GNA11: variants seen among roughly 807,000 people sequenced by gnomAD.
The protein encoded by GNA11 is guanine nucleotide-binding protein subunit alpha-11.
In GNA11, 8 loss-of-function variants were observed where a neutral mutation model predicts 38.2. The observed-to-expected ratio is 0.21, with a 90% confidence interval of 0.12 to 0.38. The LOEUF is 0.38. GNA11 is among the 10% of genes least tolerant of loss of function. GNA11 has a pLI of 1.00. For missense variants in GNA11, 268 were observed against 516.3 expected (o/e 0.52, Z 4.66); for synonymous variants, 211 against 221.4 (o/e 0.95, Z 0.42).
At chr19:3,116,453 C>G (rs1238234134) in intron 4 of GNA11, among the ~76,000 whole-genome samples, 1 of 119,260 alleles carries the variant, frequency 8.4e-6, no homozygotes, top group African/African-American at 3.2e-5. Context: ...GCGGCCGCAT[C>G]CTTGGCATCC....
At position 3,094,566 on chromosome 19, in the gene GNA11, G is replaced by T; in HGVS notation, c.-86G>T. On this transcript the variant is annotated 5_prime_UTR_variant, in exon 1 of 7. Coordinates refer to ENST00000078429, the MANE Select transcript of GNA11 (RefSeq NM_002067.5). This position sits in a 1 kb window ranked among gnomAD's most constrained non-coding sequence, Gnocchi z 6.0. ...CCGAGGCCGGAGGGCCGCGGCGGGC[G>T]GCGGCCGAGGCGGCTCCGGCCAGGG... 1.8e-6 allele frequency: 1 copy of T among 567,618 alleles called. No individual in the cohort carries two copies. Among genetic ancestry groups the T allele is most frequent in the South Asian group, 7.3e-5 (1 of 13,620 alleles). 35.2% of individuals were successfully genotyped at this position (567,618 alleles called of 1,614,324 possible).
Position 3,120,842 on chromosome 19 carries a change from C to T in GNA11, c.890-147C>T, listed in dbSNP as rs1914053671. ...CTCACCTGGGGAGGGAGGGGAGCTGCGGCCCGTCAGGCATGCAGTGGGCTG... is the reference window on the plus strand; with the variant it reads ...CTCACCTGGGGAGGGAGGGGAGCTGTGGCCCGTCAGGCATGCAGTGGGCTG... On this transcript the variant is annotated intron_variant, in intron 6 of 6. Coordinates refer to ENST00000078429, the MANE Select transcript of GNA11 (RefSeq NM_002067.5). This position sits in a 1 kb window ranked among gnomAD's most constrained non-coding sequence, Gnocchi z 5.9. The T allele has an allele frequency of 3.3e-5, 20 of 602,198 alleles. 1 individual carries two copies. Among genetic ancestry groups the T allele is most frequent in the South Asian group, 1.2e-4 (6 of 50,422 alleles). The allele number at this position is 602,198 out of a possible 1,614,324, so 37.3% of individuals were successfully genotyped here. A position where few individuals can be genotyped will look rare whatever the true frequency, so the allele number is the denominator to read the frequency against.
intron 4 of GNA11, chr19:3,118,391 C>A (rs308047): frequency 0.39 from 59,981 of 153,526 alleles, 12,841 homozygotes; most frequent in Non-Finnish European, 0.49. Flanking sequence ...GCTCACCACG[C>A]GGGGCAGGGC....
At position 3,121,445 on chromosome 19, in the gene GNA11, G is replaced by A. The variant is rs878937191; in HGVS notation, c.*266G>A. The A allele has an allele frequency of 1.8e-5, 5 of 280,022 alleles. No homozygotes were observed. The highest frequency in any genetic ancestry group is 6.1e-5 in the Admixed American group (1 of 16,416). The allele number at this position is 280,022 out of a possible 1,614,324, so 17.3% of individuals were successfully genotyped here. On this transcript the variant is annotated 3_prime_UTR_variant, in exon 7 of 7. Coordinates refer to ENST00000078429, the MANE Select transcript of GNA11 (RefSeq NM_002067.5). ...TTTTTCTGGCCTTGACTTATGGCTC[G>A]CTTTTTTCTAAAAAAAAAAAAAAAA...
In GNA11 at chr19:3,110,431, G is replaced by A; in HGVS notation, c.321+98G>A. On this transcript the variant is annotated intron_variant, in intron 2 of 6. Transcript: ENST00000078429. This position sits in a 1 kb window ranked among gnomAD's most constrained non-coding sequence, Gnocchi z 5.4. ...CTGCCAGGGTGGGGCCATGCCGGGG[G>A]TCCCGGCCGGCCCAGGCTACCCCTG... is the stretch of plus-strand genomic sequence containing the variant. 2.1e-6 allele frequency: 2 copies of A among 965,896 alleles called. No individual in the cohort carries two copies. The highest frequency in any genetic ancestry group is 3.1e-6 in the Non-Finnish European group (2 of 638,416). 59.8% of individuals were successfully genotyped at this position (965,896 alleles called of 1,614,324 possible).
chr19:3,110,034 G>C lies in GNA11; in HGVS notation c.137-115G>C. 2 of 757,350 alleles carry C rather than the reference G, an allele frequency of 2.6e-6. No individual in the cohort carries two copies. Among genetic ancestry groups the C allele is most frequent in the Non-Finnish European group, 2.1e-6 (1 of 465,636 alleles). 46.9% of individuals were successfully genotyped at this position (757,350 alleles called of 1,614,324 possible). ...CTGGTGGAGAGACGGTCAGCCTCAC[G>C]TGCCTTGGTTTCCTGTGCTGGGTGC... On this transcript the variant is annotated intron_variant, in intron 1 of 6. Transcript: ENST00000078429. This position sits in a 1 kb window ranked among gnomAD's most constrained non-coding sequence, Gnocchi z 5.4.
chr19:3,120,878 T>G lies in GNA11; in HGVS notation c.890-111T>G, dbSNP rs1225363267. 1 of 725,960 alleles carries G rather than the reference T, an allele frequency of 1.4e-6. No homozygotes were observed. Among genetic ancestry groups the G allele is most frequent in the Non-Finnish European group, 2.3e-6 (1 of 442,776 alleles). 45.0% of individuals were successfully genotyped at this position (725,960 alleles called of 1,614,324 possible). On this transcript the variant is annotated intron_variant, in intron 6 of 6. Transcript: ENST00000078429. This position sits in a 1 kb window ranked among gnomAD's most constrained non-coding sequence, Gnocchi z 5.9. ...GCATGCAGTGGGCTGGGGGTCGAGC[T>G]GGGTGGGCCGTGGGCCTTACTCGCT...
At position 3,110,731 on chromosome 19, in the gene GNA11, G is replaced by A. The variant is rs151279822; in HGVS notation, c.321+398G>A. On this transcript the variant is annotated intron_variant, in intron 2 of 6. Transcript: ENST00000078429. The surrounding 1 kb of genome is among the most constrained non-coding windows in gnomAD (Gnocchi z 5.4). Reference sequence around the variant, plus strand: ...GGCTGAGCAGCCTACCAGGCACCTCGTTTCGGCCCTGACACTCACCCATGG... The same window carrying A: ...GGCTGAGCAGCCTACCAGGCACCTCATTTCGGCCCTGACACTCACCCATGG... Among the ~76,000 whole-genome samples, 14 of 152,288 alleles carry A rather than the reference G, an allele frequency of 9.2e-5. No individual in the cohort carries two copies. Among genetic ancestry groups the A allele is most frequent in the African/African-American group, 1.9e-4 (8 of 41,554 alleles).
rs890317390 is a variant in GNA11 at position 3,121,466 on chromosome 19, A to AG, written c.*287_*288insG. ...GCTCGCTTTTTTCTAAAAAAAAAAAAAAAAGAAAGAAAGAAAAAAAGCAAC... is the reference window on the plus strand; with the variant it reads ...GCTCGCTTTTTTCTAAAAAAAAAAAAGAAAAGAAAGAAAGAAAAAAAGCAAC... On this transcript the variant is annotated 3_prime_UTR_variant, in exon 7 of 7. Coordinates refer to ENST00000078429, the MANE Select transcript of GNA11 (RefSeq NM_002067.5). 7.8e-6 allele frequency: 2 copies of AG among 258,024 alleles called. No homozygotes were observed. The highest frequency in any genetic ancestry group is 5.6e-5 in the East Asian group (1 of 17,800). The allele number at this position is 258,024 out of a possible 1,614,324, so 16.0% of individuals were successfully genotyped here. A position where few individuals can be genotyped will look rare whatever the true frequency, so the allele number is the denominator to read the frequency against.
At chr19:3,102,379 C>T (rs1568279687) in intron 1 of GNA11, among the ~76,000 whole-genome samples, 1 of 152,206 alleles carries the variant, frequency 6.6e-6, no homozygotes, top group Non-Finnish European at 1.5e-5. Context: ...GGCTGTCATG[C>T]CCCACCTGGG....
At chr19:3,105,837 G>T (rs1002259850) in intron 1 of GNA11, among the ~76,000 whole-genome samples, 1 of 152,176 alleles carries the variant, frequency 6.6e-6, no homozygotes, top group Non-Finnish European at 1.5e-5. Context: ...TAAAGCTGCC[G>T]TGGTGCTTGG....
chr19:3,108,104 A>C lies in GNA11; in HGVS notation c.137-2045A>C, dbSNP rs961664478. On this transcript the variant is annotated intron_variant, in intron 1 of 6. Transcript: ENST00000078429. The surrounding 1 kb of genome is among the most constrained non-coding windows in gnomAD (Gnocchi z 4.5). Reference sequence around the variant, plus strand: ...GAGGCAGCTGCCACCGGGGCTCCCCACTCGGGATGTGTTGGGTGTTTTGCG... The same window carrying C: ...GAGGCAGCTGCCACCGGGGCTCCCCCCTCGGGATGTGTTGGGTGTTTTGCG... 1.3e-5 allele frequency among the ~76,000 whole-genome samples: 2 copies of C among 152,092 alleles called. No homozygotes were observed. The highest frequency in any genetic ancestry group is 2.9e-5 in the Non-Finnish European group (2 of 68,006).
chr19:3,097,478 T>C (rs1026968088), intron 1 of GNA11, among the ~76,000 whole-genome samples: 13 of 152,172 alleles, frequency 8.5e-5, no homozygotes, highest in African/African-American at 3.1e-4. Flanking sequence ...TGGGTGGTGC[T>C]GGTTTCTTCC....
chr19:3,110,165 G>C lies in GNA11; in HGVS notation c.153G>C (p.Gly51=), dbSNP rs1913736289. 6.2e-7 allele frequency: 1 copy of C among 1,610,942 alleles called. No individual in the cohort carries two copies. The highest frequency in any genetic ancestry group is 8.5e-7 in the Non-Finnish European group (1 of 1,178,834). Residue 51 remains glycine (G), a synonymous_variant, in exon 2 of 7, where the codon GGG becomes GGC. Transcript: ENST00000078429. This position sits in a 1 kb window ranked among gnomAD's most constrained non-coding sequence, Gnocchi z 5.4. The part of the protein sequence containing the change: ...KLLLLGTGES[G]KSTFIKQMRI... ...GTCCCCCAGGCACGGGCGAGAGCGGGAAGAGCACGTTCATCAAGCAGATGC... is the reference window on the plus strand; with the variant it reads ...GTCCCCCAGGCACGGGCGAGAGCGGCAAGAGCACGTTCATCAAGCAGATGC...
chr19:3,112,769 A>G (rs1913806530), intron 2 of GNA11, among the ~76,000 whole-genome samples: 1 of 152,188 alleles, frequency 6.6e-6, no homozygotes, highest in East Asian at 1.9e-4. Flanking sequence ...TCTGCTCTTG[A>G]TGATGTTTGA....
Position 3,120,983 on chromosome 19 carries a change from C to T in GNA11, c.890-6C>T. 1 of 1,603,598 alleles carries T rather than the reference C, an allele frequency of 6.2e-7. No homozygotes were observed. The highest frequency in any genetic ancestry group is 8.5e-7 in the Non-Finnish European group (1 of 1,176,844). On this transcript the variant is annotated splice_polypyrimidine_tract_variant and splice_region_variant and intron_variant, in intron 6 of 6. Coordinates refer to ENST00000078429, the MANE Select transcript of GNA11 (RefSeq NM_002067.5). This position sits in a 1 kb window ranked among gnomAD's most constrained non-coding sequence, Gnocchi z 5.9. Reference sequence around the variant, plus strand: ...GGGCACAGCCTCACCCTCTGCCCTCCCCCAGGTCCCCAGCGGGACGCCCAG... The same window carrying T: ...GGGCACAGCCTCACCCTCTGCCCTCTCCCAGGTCCCCAGCGGGACGCCCAG...
rs1446929446 is a variant in GNA11 at position 3,115,201 on chromosome 19, T to G, written c.605+129T>G. ...GGAGGATCGCCTGAGTCCAGGAGTT[T>G]GAGACCACCCTGGGCAACATAGCCA... On this transcript the variant is annotated intron_variant, in intron 4 of 6. Coordinates refer to ENST00000078429, the MANE Select transcript of GNA11 (RefSeq NM_002067.5). 2.8e-6 allele frequency: 3 copies of G among 1,060,422 alleles called. No homozygotes were observed. The African/African-American group carries it at 4.8e-5, about 17-fold the overall frequency. The allele number at this position is 1,060,422 out of a possible 1,614,324, so 65.7% of individuals were successfully genotyped here. A position where few individuals can be genotyped will look rare whatever the true frequency, so the allele number is the denominator to read the frequency against.
chr19:3,105,814 TG>T (rs1279060036), intron 1 of GNA11, among the ~76,000 whole-genome samples: 2 of 152,210 alleles, frequency 1.3e-5, no homozygotes, highest in African/African-American at 2.4e-5. Flanking sequence ...TTTGGCTTTT[TG>T]GCTTTTACGA....
At chr19:3,118,327 G>GAGC (rs1221781942) in intron 4 of GNA11, 1 of 152,510 alleles carries the variant, frequency 6.6e-6, no homozygotes, top group East Asian at 1.9e-4. Flanking sequence ...GACATCGTCT[G>GAGC]AGCTGATTTT....
Sources: gnomAD v4.1 joint callset for allele counts (sites outside exome capture counted in the v4.1 genomes callset) on GRCh38, gnomAD v4.1.1 for gene constraint, Gnocchi (gnomAD v3.1) non-coding constraint, MANE v1.5 for transcripts, NCBI Gene and HGNC (gene_info 2026-07-23, HGNC 2026-07-21) for gene names.